Variants in ANO3 observed in about 807,000 individuals in gnomAD.
ANO3 encodes the protein anoctamin-3.
In ANO3, 99 loss-of-function variants were observed where a neutral mutation model predicts 144.8. The ratio of observed to expected loss-of-function variants is 0.68; its 90% CI spans 0.58 to 0.81. The LOEUF (loss-of-function observed/expected upper bound fraction) is 0.81. Ranked by LOEUF, ANO3 falls within the 30% of genes least tolerant of loss-of-function variation. The pLI, the probability that ANO3 is intolerant of heterozygous loss-of-function variation, is 0.00. For synonymous variants in ANO3, 414 were observed against 392.6 expected (o/e 1.05, Z -0.64); for missense variants, 905 against 1,202.2 (o/e 0.75, Z 3.66).
intron 3 of ANO3, among the ~76,000 whole-genome samples, chr11:26,456,382 AAAAC>A (rs1358838429): frequency 2.6e-5 from 4 of 152,200 alleles, no homozygotes; most frequent in African/African-American, 9.6e-5. Context: ...TTAGAAGAGA[AAAAC>A]AAACAACCCC....
intron 1 of ANO3, among the ~76,000 whole-genome samples, chr11:26,343,832 T>C (rs1202813913): frequency 2.6e-5 from 4 of 152,184 alleles, no homozygotes. Context: ...TTGAGAATGG[T>C]TTGTAGTAGT....
At chr11:26,595,383 C>T (rs1325133659) in intron 14 of ANO3, among the ~76,000 whole-genome samples, 1 of 149,356 alleles carries the variant, frequency 6.7e-6, no homozygotes, top group African/African-American at 2.5e-5. Flanking sequence ...GATTCATTCC[C>T]ATAAACAACA....
At chr11:26,457,123 C>A (rs1259288026) in intron 3 of ANO3, among the ~76,000 whole-genome samples, 1 of 147,514 alleles carries the variant, frequency 6.8e-6, no homozygotes, top group Non-Finnish European at 1.5e-5. Context: ...ATACCTAATG[C>A]TAGATGACGA....
Position 26,332,239 on chromosome 11 carries a change from G to C in ANO3, c.-37G>C. ...TACTGTTCCTCCGCCTCCCTCTCGG[G>C]CAGCTCCCTAAGCCGGCTGGGACGC... On this transcript the variant is annotated 5_prime_UTR_variant, in exon 1 of 27. Transcript: ENST00000256737. 1.2e-6 allele frequency: 2 copies of C among 1,614,020 alleles called. No individual in the cohort carries two copies. Among genetic ancestry groups the C allele is most frequent in the Non-Finnish European group, 8.5e-7 (1 of 1,179,996 alleles).
At chr11:26,231,187 T>C (rs1003944279) in intron 1 of ANO3, among the ~76,000 whole-genome samples, 1 of 152,168 alleles carries the variant, frequency 6.6e-6, no homozygotes, top group African/African-American at 2.4e-5. Flanking sequence ...TGAAGTTTCC[T>C]TTTTGTATTC....
chr11:26,489,933 A>G (rs922129370), intron 4 of ANO3, among the ~76,000 whole-genome samples: 4 of 152,296 alleles, frequency 2.6e-5, no homozygotes, highest in Admixed American at 2.6e-4. Context: ...GACTGTGGAC[A>G]TTTTGGTTAA....
At chr11:26,594,407 A>G (rs1442354633) in intron 14 of ANO3, among the ~76,000 whole-genome samples, 1 of 152,222 alleles carries the variant, frequency 6.6e-6, no homozygotes, top group East Asian at 1.9e-4. Flanking sequence ...CTGATTTAGC[A>G]GTAACATTAT....
chr11:26,447,337 A>T (rs1367712260), intron 3 of ANO3, among the ~76,000 whole-genome samples: 1 of 152,038 alleles, frequency 6.6e-6, no homozygotes, highest in Non-Finnish European at 1.5e-5. Context: ...CTTAATTTTC[A>T]TAACAACCCT....
intron 1 of ANO3, among the ~76,000 whole-genome samples, chr11:26,217,084 A>C (rs745416582): frequency 6.6e-6 from 1 of 151,998 alleles, no homozygotes; most frequent in Non-Finnish European, 1.5e-5. Context: ...CCAACTAATC[A>C]ATTTTTTTCT....
chr11:26,357,453 T>G (rs1446301250), intron 1 of ANO3, among the ~76,000 whole-genome samples: 4 of 152,190 alleles, frequency 2.6e-5, no homozygotes, highest in Non-Finnish European at 5.9e-5. Context: ...TGAATTTTCC[T>G]AATGACTCAT....
intron 1 of ANO3, among the ~76,000 whole-genome samples, chr11:26,321,032 G>A (rs1854747254): frequency 6.6e-6 from 1 of 151,628 alleles, no homozygotes; most frequent in Non-Finnish European, 1.5e-5. Flanking sequence ...TATTGTTCCT[G>A]GCCTGGTTTA....
chr11:26,272,330 CAAAT>C (rs936137092), intron 1 of ANO3, among the ~76,000 whole-genome samples: 1 of 151,894 alleles, frequency 6.6e-6, no homozygotes, highest in Non-Finnish European at 1.5e-5. Context: ...CATTTCGAAA[CAAAT>C]GAATCCAGCA....
intron 4 of ANO3, among the ~76,000 whole-genome samples, chr11:26,492,476 T>C (rs927311299): frequency 3.3e-5 from 5 of 152,192 alleles, no homozygotes; most frequent in Non-Finnish European, 7.4e-5. Flanking sequence ...TCTTTAACCA[T>C]ACAGTTCAAA....
chr11:26,200,559 G>A (rs903758327), intron 1 of ANO3, among the ~76,000 whole-genome samples: 5 of 152,244 alleles, frequency 3.3e-5, no homozygotes, highest in Non-Finnish European at 5.9e-5. Flanking sequence ...CAAGGCCAAC[G>A]TGGTTTATGC....
At chr11:26,539,684 A>G (rs1849597611) in intron 10 of ANO3, among the ~76,000 whole-genome samples, 1 of 152,132 alleles carries the variant, frequency 6.6e-6, no homozygotes, top group Non-Finnish European at 1.5e-5. Context: ...ATGGGAGCTC[A>G]CCGTCCTGGT....
chr11:26,365,954 T>TA (rs1856059202), intron 1 of ANO3, among the ~76,000 whole-genome samples: 2 of 54,394 alleles, frequency 3.7e-5, no homozygotes, highest in Admixed American at 2.4e-4. Context: ...CATTTTTTCT[T>TA]TATATATATA....
chr11:26,485,367 TA>T (rs1259463368), intron 4 of ANO3, among the ~76,000 whole-genome samples: 13 of 149,268 alleles, frequency 8.7e-5, no homozygotes, highest in South Asian at 2.1e-4. Context: ...GGTCTGGTTT[TA>T]AAAAAAAAAG....
intron 1 of ANO3, among the ~76,000 whole-genome samples, chr11:26,208,602 A>G (rs1035506621): frequency 1.3e-5 from 2 of 152,234 alleles, no homozygotes; most frequent in African/African-American, 2.4e-5. Context: ...CTGAACACTG[A>G]GAATGGAGGC....
intron 5 of ANO3, among the ~76,000 whole-genome samples, chr11:26,511,366 T>C (rs1861657096): frequency 1.3e-5 from 2 of 152,114 alleles, no homozygotes; most frequent in Non-Finnish European, 2.9e-5. Context: ...CAAACCTCTG[T>C]AAAAACTCTG....
Sources: gnomAD v4.1 joint callset for allele counts (sites outside exome capture counted in the v4.1 genomes callset) on GRCh38, gnomAD v4.1.1 for gene constraint, MANE v1.5 for transcripts, NCBI Gene and HGNC (gene_info 2026-07-23, HGNC 2026-07-21) for gene names.